The following NIBAN1 variants were observed in gnomAD, a reference collection of about 807,000 sequenced individuals.
NIBAN1 encodes the protein niban apoptosis regulator 1, also known as protein Niban 1.
In NIBAN1, 81 loss-of-function variants were observed where a neutral mutation model predicts 75.1. That is an observed-to-expected ratio of 1.08 (90% confidence interval 0.90 to 1.30). NIBAN1 has a LOEUF of 1.30. NIBAN1 is among the 50% of genes most tolerant of loss of function. The pLI is 0.00. For missense variants in NIBAN1, 1,133 were observed against 1,128.1 expected (o/e 1.00, Z -0.06); for synonymous variants, 436 against 424.8 (o/e 1.03, Z -0.32).
intron 5 of NIBAN1, among the ~76,000 whole-genome samples, chr1:184,874,611 C>T (rs189049238): frequency 2.6e-5 from 4 of 151,906 alleles, no homozygotes; most frequent in Admixed American, 1.3e-4. Context: ...TATATACACA[C>T]ATATACATGT....
intron 5 of NIBAN1, among the ~76,000 whole-genome samples, chr1:184,845,258 C>T (rs1246323229): frequency 2.6e-5 from 4 of 152,124 alleles, no homozygotes; most frequent in Admixed American, 2.0e-4. Context: ...ATTGTGAAAA[C>T]GCTAAGCATT....
Position 184,796,082 on chromosome 1 carries a change from G to C in NIBAN1, c.1682C>G (p.Ala561Gly). The C allele has an allele frequency of 6.5e-7, 1 of 1,539,558 alleles. No individual in the cohort carries two copies. Among genetic ancestry groups the C allele is most frequent in the Admixed American group, 2.0e-5 (1 of 49,132 alleles). The stretch of plus-strand genomic sequence containing the variant: ...AAATAAGTTGTGTTTCTTCAAGATA[G>C]CAGCTTCCTTTATCACTGAGAGATA... ...DETLKVIKEA[A>G]ILKKHNLFED... Residue 561 changes from alanine to glycine, a missense_variant, in exon 14 of 14, where the codon GCT becomes GGT. Physicochemically the swap from Ala to Gly is moderately conservative, Grantham distance 60. Coordinates refer to ENST00000367511, the MANE Select transcript of NIBAN1 (RefSeq NM_052966.4).
At chr1:184,824,644 G>GT (rs1170580187) in intron 6 of NIBAN1, among the ~76,000 whole-genome samples, 1 of 152,196 alleles carries the variant, frequency 6.6e-6, no homozygotes, top group African/African-American at 2.4e-5. Context: ...AAGTGTGTGC[G>GT]TTTTTGATAA....
chr1:184,870,530 G>A (rs1216656633), intron 5 of NIBAN1, among the ~76,000 whole-genome samples: 1 of 152,114 alleles, frequency 6.6e-6, no homozygotes, highest in Non-Finnish European at 1.5e-5. Flanking sequence ...TTCCCCCGCT[G>A]TCAAGGTGGC....
chr1:184,939,640 CT>C (rs1658041885), intron 1 of NIBAN1, among the ~76,000 whole-genome samples: 1 of 152,232 alleles, frequency 6.6e-6, no homozygotes, highest in Admixed American at 6.5e-5. Flanking sequence ...TGCTTTGCCA[CT>C]TGTCACCAGA....
At chr1:184,963,801 G>C (rs1285697708) in intron 1 of NIBAN1, among the ~76,000 whole-genome samples, 7 of 152,166 alleles carry the variant, frequency 4.6e-5, no homozygotes, top group Non-Finnish European at 1.0e-4. Context: ...AGGTTTGAAA[G>C]ACTCAATATC....
At chr1:184,934,985 A>C (rs10797994) in intron 1 of NIBAN1, among the ~76,000 whole-genome samples, 1 of 152,082 alleles carries the variant, frequency 6.6e-6, no homozygotes, top group Non-Finnish European at 1.5e-5. Flanking sequence ...CAGGAGGATC[A>C]CTTAAGCCGG....
At chr1:184,950,285 C>T (rs760124509) in intron 1 of NIBAN1, among the ~76,000 whole-genome samples, 3 of 152,126 alleles carry the variant, frequency 2.0e-5, no homozygotes, top group Non-Finnish European at 4.4e-5. Context: ...ACTTTTTTCC[C>T]AGGCCATCCA....
intron 1 of NIBAN1, among the ~76,000 whole-genome samples, chr1:184,941,857 T>A (rs1658096910): frequency 6.6e-6 from 1 of 152,154 alleles, no homozygotes; most frequent in Non-Finnish European, 1.5e-5. Context: ...GCTGCAGTAT[T>A]CTCAGAGATG....
chr1:184,892,212 GC>G (rs1656685828), intron 3 of NIBAN1, among the ~76,000 whole-genome samples: 1 of 152,140 alleles, frequency 6.6e-6, no homozygotes, highest in South Asian at 2.1e-4. Flanking sequence ...TTTACCACAG[GC>G]CCAGCCATAT....
chr1:184,872,222 C>T lies in NIBAN1; in HGVS notation c.601+12411G>A, dbSNP rs147922659. ...AGTAAAAAGAGATTATTTTAAATGA[C>T]CAGATTAGAAAAAGAACGAAAATAA... On this transcript the variant is annotated intron_variant, in intron 5 of 13. Coordinates refer to ENST00000367511, the MANE Select transcript of NIBAN1 (RefSeq NM_052966.4). 3.8e-3 allele frequency among the ~76,000 whole-genome samples: 570 copies of T among 150,256 alleles called. 5 individuals are homozygous for T. Among genetic ancestry groups the T allele is most frequent in the African/African-American group, 0.013 (550 of 40,846 alleles).
chr1:184,886,526 C>T (rs892273309), intron 4 of NIBAN1, among the ~76,000 whole-genome samples: 3 of 152,116 alleles, frequency 2.0e-5, no homozygotes, highest in Non-Finnish European at 4.4e-5. Flanking sequence ...TTACCTCTTC[C>T]CTCAAAATCA....
At chr1:184,958,093 A>G (rs116753313) in intron 1 of NIBAN1, among the ~76,000 whole-genome samples, 3,284 of 152,270 alleles carry the variant, frequency 0.022, 106 homozygotes, top group African/African-American at 0.074. Flanking sequence ...AAGGCCTGGC[A>G]CAGTGACTCA....
chr1:184,894,034 A>C, intron 3 of NIBAN1, 41 bp downstream of exon 3: 1 of 1,544,266 alleles, frequency 6.5e-7, no homozygotes, highest in East Asian at 2.3e-5. Context: ...CAAACTTTTA[A>C]GAACAGTGTA....
At position 184,971,651 on chromosome 1, in the gene NIBAN1, AGAGT is replaced by A. The variant is rs200280269; in HGVS notation, c.55+2647_55+2650del. On this transcript the variant is annotated intron_variant, in intron 1 of 13. Transcript: ENST00000367511. ...TGCCACTACACTCCAGCTTGGTGAC[AGAGT>A]GAGACTCTGTCTCAAAAAAAAAGGA... Among the ~76,000 whole-genome samples, 1,117 of 152,248 alleles carry A rather than the reference AGAGT, an allele frequency of 7.3e-3. 68 individuals carry two copies. Among genetic ancestry groups the A allele is most frequent in the Admixed American group, 0.064 (970 of 15,274 alleles).
At chr1:184,946,904 T>C (rs1442610163) in intron 1 of NIBAN1, among the ~76,000 whole-genome samples, 2 of 151,976 alleles carry the variant, frequency 1.3e-5, no homozygotes, top group Non-Finnish European at 2.9e-5. Flanking sequence ...AGAAACCTTG[T>C]CTCTACTAAA....
At chr1:184,842,084 G>C (rs774139096) in intron 5 of NIBAN1, among the ~76,000 whole-genome samples, 2 of 152,070 alleles carry the variant, frequency 1.3e-5, no homozygotes, top group African/African-American at 4.8e-5. Context: ...CACTAGAAGG[G>C]GTGCTGGTTT....
rs1034134024 is a variant in NIBAN1 at position 184,846,241 on chromosome 1, A to G, written c.602-14279T>C. Among the ~76,000 whole-genome samples the G allele has an allele frequency of 7.9e-4, 19 of 23,994 alleles. 3 individuals carry two copies. The highest frequency in any genetic ancestry group is 4.5e-3 in the African/African-American group (17 of 3,774). 15.7% of individuals were successfully genotyped at this position (23,994 alleles called of 152,430 possible). ...GTGTCCCTGTCTGACAGCTTTGAAG[A>G]GAGCAGCGGTTCTCCCAGCACGCAG... On this transcript the variant is annotated intron_variant, in intron 5 of 13. Transcript: ENST00000367511.
chr1:184,895,194 G>T (rs1052448741), intron 2 of NIBAN1, among the ~76,000 whole-genome samples: 9 of 152,122 alleles, frequency 5.9e-5, no homozygotes, highest in African/African-American at 2.2e-4. Flanking sequence ...AGATAATGCG[G>T]CAGTCCCCTA....
Sources: allele counts gnomAD v4.1 joint callset (sites outside exome capture counted in the v4.1 genomes callset), GRCh38; gene constraint gnomAD v4.1.1; transcripts MANE v1.5; gene names NCBI Gene and HGNC (gene_info 2026-07-23, HGNC 2026-07-21).